Variants in EYA2 observed in about 807,000 individuals in gnomAD.
EYA2 encodes EYA transcriptional coactivator and phosphatase 2, also known as protein phosphatase EYA2.
EYA2 carries 31 observed loss-of-function variants against 69.2 expected under a neutral mutation model. The observed-to-expected ratio is 0.45, with a 90% CI of 0.34 to 0.60. The LOEUF is 0.60. Ranked by LOEUF, EYA2 falls within the 20% of genes least tolerant of loss-of-function variation. EYA2 has a pLI of 0.02. For missense variants in EYA2, 622 were observed against 701.2 expected (o/e 0.89, Z 1.28); for synonymous variants, 257 against 279.4 (o/e 0.92, Z 0.80).
At chr20:47,101,306 C>T (rs909528976) in intron 9 of EYA2, among the ~76,000 whole-genome samples, 3 of 152,132 alleles carry the variant, frequency 2.0e-5, no homozygotes. Flanking sequence ...AGGCTGGTCT[C>T]GAACTCTTGG....
intron 9 of EYA2, among the ~76,000 whole-genome samples, chr20:47,132,843 A>C (rs1429075115): frequency 6.6e-6 from 1 of 152,116 alleles, no homozygotes; most frequent in East Asian, 1.9e-4. Context: ...GGCTTAAATC[A>C]CCTTGGGGTG....
chr20:46,961,625 C>T (rs1391631271), intron 1 of EYA2, among the ~76,000 whole-genome samples: 1 of 152,140 alleles, frequency 6.6e-6, no homozygotes, highest in Non-Finnish European at 1.5e-5. Flanking sequence ...CCTAAGTGTC[C>T]ATCAGCAATG....
intron 7 of EYA2, among the ~76,000 whole-genome samples, chr20:47,075,933 T>G (rs2031497464): frequency 6.6e-6 from 1 of 152,352 alleles, no homozygotes; most frequent in South Asian, 2.1e-4. Flanking sequence ...TAGCTCCCAC[T>G]TATAAGTAAG....
intron 9 of EYA2, among the ~76,000 whole-genome samples, chr20:47,099,716 C>T (rs2032369484): frequency 6.6e-6 from 1 of 152,212 alleles, no homozygotes. Context: ...TCTTTCAGTT[C>T]TCATTTAAAA....
chr20:46,952,806 C>T (rs1446005100), intron 1 of EYA2, among the ~76,000 whole-genome samples: 2 of 152,154 alleles, frequency 1.3e-5, no homozygotes, highest in African/African-American at 2.4e-5. Context: ...AGATCAGCCC[C>T]GCATCCCAAG....
chr20:46,925,767 T>C (rs1355355389), intron 1 of EYA2, among the ~76,000 whole-genome samples: 2 of 152,210 alleles, frequency 1.3e-5, no homozygotes, highest in Admixed American at 1.3e-4. Flanking sequence ...GCGTGGCCCA[T>C]CCAGATTACA....
intron 14 of EYA2, among the ~76,000 whole-genome samples, chr20:47,181,587 C>T (rs997534752): frequency 6.6e-6 from 1 of 152,288 alleles, no homozygotes; most frequent in South Asian, 2.1e-4. Context: ...TAGCTCACTA[C>T]AGCCTCAAAC....
chr20:46,935,409 C>T (rs753034973), intron 1 of EYA2, among the ~76,000 whole-genome samples: 5 of 152,150 alleles, frequency 3.3e-5, no homozygotes, highest in Non-Finnish European at 5.9e-5. Context: ...GTTGTCATGA[C>T]GATTAAATGG....
rs887116068 is a variant in EYA2 at position 47,186,684 on chromosome 20, G to T, written c.1537-1369G>T. On this transcript the variant is annotated intron_variant, in intron 15 of 15. Transcript: ENST00000327619. ...TCCTCATTCGTTCTTCAAGGTCTGG[G>T]TCTCATGCGCTTCTTGTCCCCTGAG... Among the ~76,000 whole-genome samples the T allele has an allele frequency of 2.0e-5, 3 of 152,002 alleles. No homozygotes were observed. The East Asian group carries it at 5.8e-4, about 29-fold the overall frequency.
chr20:46,923,768 T>G (rs139564648), intron 1 of EYA2, among the ~76,000 whole-genome samples: 1 of 152,166 alleles, frequency 6.6e-6, no homozygotes, highest in African/African-American at 2.4e-5. Flanking sequence ...CAGATGCATC[T>G]GGGTAAAAGA....
At chr20:47,103,289 A>G (rs1395233012) in intron 9 of EYA2, among the ~76,000 whole-genome samples, 1 of 149,142 alleles carries the variant, frequency 6.7e-6, no homozygotes, top group Non-Finnish European at 1.5e-5. Context: ...GCCCCTGACA[A>G]CCACTAATCT....
rs56103043 is a variant in EYA2, at chr20:46,995,190, C to T, written c.109+5071C>T. 3.3e-3 allele frequency among the ~76,000 whole-genome samples: 508 copies of T among 152,284 alleles called. 1 individual carries two copies. Among genetic ancestry groups the T allele is most frequent in the African/African-American group, 0.012 (488 of 41,566 alleles). ...TGCTGGGATTAGAGGCATGAGCCAC[C>T]GTGCCTGGCCTGTTGTTTCTTTAAA... is the stretch of plus-strand genomic sequence containing the variant. On this transcript the variant is annotated intron_variant, in intron 2 of 15. Coordinates refer to ENST00000327619, the MANE Select transcript of EYA2 (RefSeq NM_005244.5).
chr20:47,037,657 T>C lies in EYA2; in HGVS notation c.415+21360T>C, dbSNP rs561950133. The stretch of plus-strand genomic sequence containing the variant: ...CCAAGGCTGCCACTAGTCCTTGGCT[T>C]GTAGACCCTTCCTCAAGCCAGCTAC... On this transcript the variant is annotated intron_variant, in intron 5 of 15. Coordinates refer to ENST00000327619, the MANE Select transcript of EYA2 (RefSeq NM_005244.5). Among the ~76,000 whole-genome samples the C allele has an allele frequency of 3.3e-5, 5 of 152,296 alleles. 1 individual carries two copies. In the Middle Eastern group the frequency reaches 0.01, roughly 311 times the overall value.
chr20:46,981,344 C>G (rs1347950120), intron 1 of EYA2, among the ~76,000 whole-genome samples: 1 of 152,200 alleles, frequency 6.6e-6, no homozygotes, highest in Non-Finnish European at 1.5e-5. Flanking sequence ...TTCCTATACT[C>G]TGTGGCTAAT....
At chr20:47,006,835 C>T (rs1982744990) in intron 4 of EYA2, among the ~76,000 whole-genome samples, 2 of 152,152 alleles carry the variant, frequency 1.3e-5, no homozygotes, top group Non-Finnish European at 2.9e-5. Flanking sequence ...TTGCCACAGT[C>T]CTCACCCAGC....
intron 3 of EYA2, among the ~76,000 whole-genome samples, chr20:47,002,397 C>T (rs1222062077): frequency 1.3e-5 from 2 of 152,160 alleles, no homozygotes; most frequent in Non-Finnish European, 2.9e-5. Context: ...TGTTGTACCC[C>T]TCCCTGTGTC....
intron 9 of EYA2, among the ~76,000 whole-genome samples, chr20:47,136,433 G>A (rs558131387): frequency 1.5e-4 from 23 of 152,176 alleles, no homozygotes; most frequent in Middle Eastern, 3.4e-3. Flanking sequence ...TCTTTGGGCC[G>A]CCTACGTGGT....
chr20:47,099,512 G>A (rs1170067893), intron 9 of EYA2, among the ~76,000 whole-genome samples: 1 of 152,194 alleles, frequency 6.6e-6, no homozygotes, highest in Non-Finnish European at 1.5e-5. Context: ...GCAAGACCCT[G>A]TCTCAATCAA....
intron 9 of EYA2, among the ~76,000 whole-genome samples, chr20:47,098,446 A>T (rs1272677404): frequency 6.6e-6 from 1 of 152,254 alleles, no homozygotes; most frequent in Non-Finnish European, 1.5e-5. Context: ...TCTTGCCCTT[A>T]GAGGCAGCCT....
Sources: gnomAD v4.1 joint callset for allele counts (sites outside exome capture counted in the v4.1 genomes callset) on GRCh38, gnomAD v4.1.1 for gene constraint, MANE v1.5 for transcripts, NCBI Gene and HGNC (gene_info 2026-07-23, HGNC 2026-07-21) for gene names.